The following NOL4L variants were observed in gnomAD, a reference collection of about 807,000 sequenced individuals.
NOL4L encodes nucleolar protein 4 like, also known as nucleolar protein 4-like.
Under a neutral mutation model 64.5 loss-of-function variants are expected in NOL4L, and 7 were observed. The observed-to-expected ratio is 0.11, with a 90% CI of 0.06 to 0.20. NOL4L has a LOEUF of 0.20. Ranked by LOEUF, NOL4L falls within the 10% of genes least tolerant of loss-of-function variation. The pLI is 1.00. For synonymous variants in NOL4L, 413 were observed against 401.0 expected (o/e 1.03, Z -0.36); for missense variants, 680 against 967.1 (o/e 0.70, Z 3.94).
At chr20:32,485,861 G>A in intron 4 of NOL4L, 1 of 433,856 alleles carries the variant, frequency 2.3e-6, no homozygotes, top group African/African-American at 2.0e-5. Context: ...TTTCACAGCA[G>A]TGGTGGACAT....
chr20:32,504,894 G>A (rs1051555381), intron 4 of NOL4L, among the ~76,000 whole-genome samples: 1 of 152,114 alleles, frequency 6.6e-6, no homozygotes, highest in African/African-American at 2.4e-5. Flanking sequence ...CCACTGCACC[G>A]GCCACCTCTG....
intron 5 of NOL4L, among the ~76,000 whole-genome samples, chr20:32,458,962 C>T (rs1046614795): frequency 1.3e-5 from 2 of 152,228 alleles, no homozygotes; most frequent in African/African-American, 4.8e-5. Context: ...ATGCCCGGCA[C>T]GGGGGCCCAG....
rs2012358197 is a variant in NOL4L, at chr20:32,446,957, C to A, written c.*639G>T. ...CCTGTGGCAGCACTGGGATCTGCAA[C>A]AGGATGGCCTGGCCAAGGGCTAGCG... is the stretch of plus-strand genomic sequence containing the variant. On this transcript the variant is annotated 3_prime_UTR_variant, in exon 11 of 11. Transcript: ENST00000621426. The A allele has an allele frequency of 3.5e-6, 1 of 289,798 alleles. No homozygotes were observed. Among genetic ancestry groups the A allele is most frequent in the Non-Finnish European group, 6.7e-6 (1 of 149,262 alleles). 18.0% of individuals were successfully genotyped at this position (289,798 alleles called of 1,614,324 possible).
At chr20:32,477,041 G>C (rs150894880) in intron 4 of NOL4L, among the ~76,000 whole-genome samples, 65 of 152,302 alleles carry the variant, frequency 4.3e-4, no homozygotes, top group Middle Eastern at 3.4e-3. Flanking sequence ...CACACGAAAA[G>C]TTCCCCTCCC....
intron 1 of NOL4L, among the ~76,000 whole-genome samples, chr20:32,538,456 TC>T: frequency 1.5e-5 from 2 of 133,664 alleles, no homozygotes; most frequent in Admixed American, 1.5e-4. Flanking sequence ...CCTCCCTCCC[TC>T]CCTCGCTCCC....
At chr20:32,542,403 G>T (rs187136289) in intron 1 of NOL4L, among the ~76,000 whole-genome samples, 5 of 152,304 alleles carry the variant, frequency 3.3e-5, no homozygotes, top group Admixed American at 3.3e-4. Context: ...ACCCAGACTG[G>T]AGTATAGTGG....
chr20:32,475,249 C>A, intron 4 of NOL4L: 1 of 985,480 alleles, frequency 1.0e-6, no homozygotes, highest in Non-Finnish European at 1.2e-6. Context: ...CTCCCACTCC[C>A]CCAGCCCAGA....
intron 4 of NOL4L, among the ~76,000 whole-genome samples, chr20:32,501,759 T>C (rs925005188): frequency 1.3e-5 from 2 of 151,968 alleles, no homozygotes; most frequent in Middle Eastern, 3.4e-3. Context: ...AAGACTCAAA[T>C]GCAGAAGCGA....
chr20:32,511,678 G>T (rs1292233541), intron 3 of NOL4L, among the ~76,000 whole-genome samples: 1 of 152,102 alleles, frequency 6.6e-6, no homozygotes, highest in East Asian at 1.9e-4. Context: ...TCTATTTAGA[G>T]ATTTCACACG....
chr20:32,560,529 G>A (rs928089926), intron 1 of NOL4L, among the ~76,000 whole-genome samples: 11 of 152,186 alleles, frequency 7.2e-5, no homozygotes, highest in Admixed American at 2.0e-4. Flanking sequence ...GAGAAACAAT[G>A]AACATTTAGC....
intron 4 of NOL4L, among the ~76,000 whole-genome samples, chr20:32,478,448 G>A (rs2015534741): frequency 6.6e-6 from 1 of 152,182 alleles, no homozygotes; most frequent in South Asian, 2.1e-4. Context: ...TGACCCACCT[G>A]TAGGTGCAGT....
At chr20:32,475,479 C>T (rs2015329807) in intron 4 of NOL4L, 8 of 285,052 alleles carry the variant, frequency 2.8e-5, no homozygotes, top group South Asian at 1.3e-4. Flanking sequence ...GAGGACCACG[C>T]CTGCCTCCTC....
At chr20:32,509,917 A>C in intron 4 of NOL4L, 1 of 1,304,312 alleles carries the variant, frequency 7.7e-7, no homozygotes, top group Non-Finnish European at 1.0e-6. Flanking sequence ...TTACGAAGCC[A>C]GGTGCCGGAG....
At chr20:32,538,104 C>A (rs1325758370) in intron 1 of NOL4L, among the ~76,000 whole-genome samples, 1 of 152,166 alleles carries the variant, frequency 6.6e-6, no homozygotes, top group Non-Finnish European at 1.5e-5. Flanking sequence ...TGTCAGGCCT[C>A]CCAAAAGCTC....
intron 1 of NOL4L, chr20:32,532,432 C>A: frequency 3.2e-6 from 3 of 946,912 alleles, no homozygotes; most frequent in Non-Finnish European, 3.8e-6. Flanking sequence ...AAGACAGCAA[C>A]AAAGGGATCC....
intron 10 of NOL4L, among the ~76,000 whole-genome samples, chr20:32,448,347 A>C (rs1176912416): frequency 2.0e-5 from 3 of 151,960 alleles, no homozygotes; most frequent in Non-Finnish European, 2.9e-5. Flanking sequence ...CTGAGAGTCG[A>C]GCCACAAAAG....
chr20:32,566,339 G>A (rs569411761), intron 1 of NOL4L, among the ~76,000 whole-genome samples: 1 of 152,226 alleles, frequency 6.6e-6, no homozygotes, highest in South Asian at 2.1e-4. Flanking sequence ...TCTTTTCCAA[G>A]TCCCCATGGG....
chr20:32,519,518 T>C (rs377135600), intron 3 of NOL4L: 6 of 152,174 alleles, frequency 3.9e-5, no homozygotes, highest in African/African-American at 1.2e-4. Flanking sequence ...GGAGCTGGCA[T>C]GATGCACCAG....
intron 1 of NOL4L, among the ~76,000 whole-genome samples, chr20:32,577,216 G>A (rs911526): frequency 0.53 from 80,599 of 152,104 alleles, 25,701 homozygotes; most frequent in East Asian, 0.94. Flanking sequence ...GCCAGCCATT[G>A]TGTGTTCTCC....
Sources: gnomAD v4.1 joint callset for allele counts (sites outside exome capture counted in the v4.1 genomes callset) on GRCh38, gnomAD v4.1.1 for gene constraint, MANE v1.5 for transcripts, NCBI Gene and HGNC (gene_info 2026-07-23, HGNC 2026-07-21) for gene names.